The following RBFOX1 variants were observed in gnomAD, a reference collection of about 807,000 sequenced individuals.
RBFOX1 encodes RNA binding protein fox-1 homolog 1.
In RBFOX1, 8 loss-of-function variants were observed where a neutral mutation model predicts 57.7. That is an observed-to-expected ratio of 0.14 (90% CI 0.08 to 0.25). The LOEUF is 0.25. Ranked by LOEUF, RBFOX1 falls within the 10% of genes least tolerant of loss-of-function variation. The pLI, the probability that RBFOX1 is intolerant of heterozygous loss-of-function variation, is 1.00. For missense variants in RBFOX1, 611 were observed against 548.5 expected (o/e 1.11, Z -1.14); for synonymous variants, 326 against 222.4 (o/e 1.47, Z -4.15).
upstream of RBFOX1, among the ~76,000 whole-genome samples, chr16:6,018,419 G>C (rs1356996121): frequency 1.3e-5 from 2 of 152,208 alleles, no homozygotes; most frequent in Admixed American, 6.5e-5. Flanking sequence ...TGCTTATTAA[G>C]TGCTAGTGTG....
At chr16:5,374,204 C>G (rs1033422423) in intron 1 of RBFOX1, among the ~76,000 whole-genome samples, 3 of 152,214 alleles carry the variant, frequency 2.0e-5, no homozygotes, top group African/African-American at 4.8e-5. Flanking sequence ...TTCCAAAGTG[C>G]TGGAATTACA....
At chr16:5,405,246 C>T (rs2066833240) in intron 1 of RBFOX1, among the ~76,000 whole-genome samples, 1 of 152,170 alleles carries the variant, frequency 6.6e-6, no homozygotes, top group Non-Finnish European at 1.5e-5. Flanking sequence ...CCCCCACCCC[C>T]AAATATAATC....
rs146708282 is a variant in RBFOX1, at chr16:6,580,884, C to T, written c.-63-73719C>T. ...ATGGAACTCAATTTTTCCAGAAAGA[C>T]CCTGCATATCTCATTTGGGCTTGCT... On this transcript the variant is annotated intron_variant, in intron 2 of 15. Coordinates refer to ENST00000550418, the MANE Select transcript of RBFOX1 (RefSeq NM_018723.4). Among the ~76,000 whole-genome samples the T allele has an allele frequency of 1.7e-4, 25 of 147,486 alleles. No individual in the cohort carries two copies. The East Asian group carries it at 4.6e-3, about 27-fold the overall frequency.
intron 1 of RBFOX1, among the ~76,000 whole-genome samples, chr16:6,288,191 A>T (rs1463468549): frequency 6.6e-6 from 1 of 151,930 alleles, no homozygotes; most frequent in South Asian, 2.1e-4. Flanking sequence ...GTTGAAATTT[A>T]TGGAGAAAAT....
At chr16:6,577,086 C>T (rs2097450769) in intron 2 of RBFOX1, 1 of 152,164 alleles carries the variant, frequency 6.6e-6, no homozygotes, top group Non-Finnish European at 1.5e-5. Flanking sequence ...CTTTATTCCC[C>T]CAATCCTCTG....
chr16:5,606,612 G>A (rs1483676929), intron 3 of RBFOX1, among the ~76,000 whole-genome samples: 1 of 152,146 alleles, frequency 6.6e-6, no homozygotes, highest in Admixed American at 6.5e-5. Flanking sequence ...TGCCCTCAAA[G>A]CGCTTGCAGT....
intron 2 of RBFOX1, among the ~76,000 whole-genome samples, chr16:6,514,946 G>A (rs1220506818): frequency 6.6e-6 from 1 of 152,042 alleles, no homozygotes; most frequent in African/African-American, 2.4e-5. Flanking sequence ...AGGAGGAAGA[G>A]AAGGAGTTGG....
At chr16:6,678,168 G>C (rs1218126798) in intron 3 of RBFOX1, among the ~76,000 whole-genome samples, 1 of 152,232 alleles carries the variant, frequency 6.6e-6, no homozygotes. Flanking sequence ...CTGTCGCCCA[G>C]GCTGGAGTGC....
At chr16:6,054,235 ATAAT>A (rs1555489277) in intron 1 of RBFOX1, among the ~76,000 whole-genome samples, 2 of 152,170 alleles carry the variant, frequency 1.3e-5, no homozygotes, top group Non-Finnish European at 2.9e-5. Context: ...GAAACATAAT[ATAAT>A]ATGTTTTTTT....
At chr16:6,849,731 T>C (rs2093965100) in intron 3 of RBFOX1, among the ~76,000 whole-genome samples, 1 of 152,078 alleles carries the variant, frequency 6.6e-6, no homozygotes, top group Non-Finnish European at 1.5e-5. Flanking sequence ...ACTGTCTACA[T>C]CGCCTACATC....
At chr16:5,991,255 C>G (rs1039447122) in intron 4 of RBFOX1, among the ~76,000 whole-genome samples, 1 of 152,120 alleles carries the variant, frequency 6.6e-6, no homozygotes, top group Non-Finnish European at 1.5e-5. Flanking sequence ...AGTTCTAGCA[C>G]AAGACCACAC....
chr16:7,303,540 T>G (rs2142097679), intron 4 of RBFOX1, among the ~76,000 whole-genome samples: 1 of 152,254 alleles, frequency 6.6e-6, no homozygotes, highest in Non-Finnish European at 1.5e-5. Flanking sequence ...AGACCGAATT[T>G]AAATTTTGGT....
At chr16:6,886,667 A>G (rs988428831) in intron 3 of RBFOX1, among the ~76,000 whole-genome samples, 5 of 152,004 alleles carry the variant, frequency 3.3e-5, no homozygotes, top group Admixed American at 2.6e-4. Context: ...AGGCACAAGA[A>G]TCGCTTGAAC....
At position 6,316,368 on chromosome 16, in the gene RBFOX1, G is replaced by T. The variant is rs1053974253; in HGVS notation, c.-126-627G>T. ...ATCTCACTCCCTGTGATTGGGTGAT[G>T]ATAGCCATATTTATGAAATTTATTA... On this transcript the variant is annotated intron_variant, in intron 1 of 15. Coordinates refer to ENST00000550418, the MANE Select transcript of RBFOX1 (RefSeq NM_018723.4). Among the ~76,000 whole-genome samples, 13 of 152,290 alleles carry T rather than the reference G, an allele frequency of 8.5e-5. 1 individual carries two copies. The highest frequency in any genetic ancestry group is 8.3e-4 in the South Asian group (4 of 4,824).
chr16:5,533,024 A>G (rs1276659534), intron 2 of RBFOX1, among the ~76,000 whole-genome samples: 1 of 152,138 alleles, frequency 6.6e-6, no homozygotes, highest in African/African-American at 2.4e-5. Flanking sequence ...AAGCATTGCA[A>G]TGAGTTATAT....
intron 4 of RBFOX1, among the ~76,000 whole-genome samples, chr16:7,058,461 C>G (rs991723898): frequency 2.0e-5 from 3 of 152,172 alleles, no homozygotes; most frequent in African/African-American, 4.8e-5. Flanking sequence ...GAGATAAAAT[C>G]TAGACTTTGC....
At chr16:6,999,230 T>A (rs1211002001) in intron 3 of RBFOX1, among the ~76,000 whole-genome samples, 8 of 125,702 alleles carry the variant, frequency 6.4e-5, no homozygotes, top group East Asian at 2.2e-4. Context: ...TTTTTATTTA[T>A]TTTTTTTTTT....
At chr16:6,945,028 A>C (rs2079222833) in intron 3 of RBFOX1, among the ~76,000 whole-genome samples, 1 of 152,036 alleles carries the variant, frequency 6.6e-6, no homozygotes, top group African/African-American at 2.4e-5. Flanking sequence ...TTCTTATCTT[A>C]ACATTCTGAA....
chr16:5,742,156 A>G (rs551764409), intron 3 of RBFOX1, among the ~76,000 whole-genome samples: 6 of 152,304 alleles, frequency 3.9e-5, no homozygotes, highest in African/African-American at 1.4e-4. Context: ...CATTTGGTTC[A>G]AGATGGGAAA....
Sources: allele counts gnomAD v4.1 joint callset (sites outside exome capture counted in the v4.1 genomes callset), GRCh38; gene constraint gnomAD v4.1.1; transcripts MANE v1.5; gene names NCBI Gene and HGNC (gene_info 2026-07-23, HGNC 2026-07-21).